DPP10: variants seen among roughly 807,000 people sequenced by gnomAD.
DPP10 encodes the protein dipeptidyl peptidase like 10.
Under a neutral mutation model 120.9 loss-of-function variants are expected in DPP10, and 33 were observed. The observed-to-expected ratio is 0.27, with a 90% CI of 0.21 to 0.37. The LOEUF (loss-of-function observed/expected upper bound fraction) is 0.37. Among genes scored for constraint, DPP10 ranks in the 10% least tolerant of loss-of-function variants. The probability of loss-of-function intolerance (pLI) is 1.00; values close to 1 mark genes in which losing one functional copy is unlikely to be tolerated. For missense variants in DPP10, 816 were observed against 942.8 expected (o/e 0.87, Z 1.76); for synonymous variants, 337 against 326.1 (o/e 1.03, Z -0.36).
In DPP10 at chr2:114,899,506, G is replaced by T. The variant is rs146877565; in HGVS notation, c.61-409733G>T. On this transcript the variant is annotated intron_variant, in intron 1 of 25. Transcript: ENST00000410059. ...TGAAACCACTCTTTTAACTTTTGTC[G>T]TAATGAATTTCTTGCTTTCATTATA... is the stretch of plus-strand genomic sequence containing the variant. Among the ~76,000 whole-genome samples, 578 of 152,002 alleles carry T rather than the reference G, an allele frequency of 3.8e-3. 1 individual carries two copies. Among genetic ancestry groups the T allele is most frequent in the African/African-American group, 0.014 (565 of 41,450 alleles).
chr2:114,757,835 G>A (rs192703539), intron 1 of DPP10, among the ~76,000 whole-genome samples: 2 of 152,198 alleles, frequency 1.3e-5, no homozygotes, highest in East Asian at 1.9e-4. Context: ...CTTGAGAACC[G>A]CTGGTGTAGA....
At chr2:115,528,801 T>C (rs2078286252) in intron 5 of DPP10, among the ~76,000 whole-genome samples, 1 of 152,112 alleles carries the variant, frequency 6.6e-6, no homozygotes. Flanking sequence ...TATAACATTC[T>C]CAAAATGGCA....
intron 1 of DPP10, among the ~76,000 whole-genome samples, chr2:115,185,559 A>G (rs973924517): frequency 2.6e-5 from 4 of 152,192 alleles, no homozygotes; most frequent in Admixed American, 6.5e-5. Flanking sequence ...CCTAAAATTT[A>G]TTATTGTTAA....
At chr2:114,640,364 C>A (rs2105424202) in intron 1 of DPP10, among the ~76,000 whole-genome samples, 1 of 152,040 alleles carries the variant, frequency 6.6e-6, no homozygotes, top group Admixed American at 6.5e-5. Flanking sequence ...ATTCTAACAG[C>A]TTATCTTCCT....
intron 1 of DPP10, among the ~76,000 whole-genome samples, chr2:115,197,985 G>A (rs2055410889): frequency 2.0e-5 from 3 of 152,124 alleles, no homozygotes; most frequent in South Asian, 2.1e-4. Flanking sequence ...ATTTGTAATA[G>A]CAGTGCTTTT....
chr2:115,446,171 G>A (rs1246062907), intron 3 of DPP10, among the ~76,000 whole-genome samples: 1 of 152,222 alleles, frequency 6.6e-6, no homozygotes, highest in Non-Finnish European at 1.5e-5. Flanking sequence ...AGTTGAGGCT[G>A]CCAGTGTGCA....
intron 5 of DPP10, among the ~76,000 whole-genome samples, chr2:115,642,380 A>G (rs2086857551): frequency 6.6e-6 from 1 of 152,154 alleles, no homozygotes; most frequent in Non-Finnish European, 1.5e-5. Flanking sequence ...GGGCTCATCC[A>G]TTAGTTTAAG....
chr2:115,295,454 A>G (rs2060842916), intron 1 of DPP10, among the ~76,000 whole-genome samples: 1 of 152,106 alleles, frequency 6.6e-6, no homozygotes, highest in African/African-American at 2.4e-5. Context: ...CCTGAATTGC[A>G]TAGTATATAT....
chr2:115,260,543 A>T (rs2059207017), intron 1 of DPP10, among the ~76,000 whole-genome samples: 1 of 152,224 alleles, frequency 6.6e-6, no homozygotes, highest in African/African-American at 2.4e-5. Flanking sequence ...TAGATTTACA[A>T]GTTTTTAAAA....
At chr2:114,921,451 C>T (rs1695189989) in intron 1 of DPP10, among the ~76,000 whole-genome samples, 1 of 152,054 alleles carries the variant, frequency 6.6e-6, no homozygotes, top group African/African-American at 2.4e-5. Flanking sequence ...CAGGTGAAAT[C>T]GTTTTTCAAA....
At chr2:114,654,697 T>C (rs1696844743) in intron 1 of DPP10, among the ~76,000 whole-genome samples, 1 of 152,192 alleles carries the variant, frequency 6.6e-6, no homozygotes, top group South Asian at 2.1e-4. Context: ...TGGGCCTTTA[T>C]TGCTGCATTG....
At chr2:115,720,840 A>G (rs2092631250) in intron 7 of DPP10, among the ~76,000 whole-genome samples, 1 of 152,210 alleles carries the variant, frequency 6.6e-6, no homozygotes, top group Non-Finnish European at 1.5e-5. Context: ...TTTACCTCAT[A>G]AAACAAAAGG....
At chr2:115,551,367 C>T (rs1240656168) in intron 5 of DPP10, among the ~76,000 whole-genome samples, 1 of 152,054 alleles carries the variant, frequency 6.6e-6, no homozygotes, top group Non-Finnish European at 1.5e-5. Context: ...AAGAACTTCC[C>T]AAGACTGGGC....
chr2:115,266,844 C>A (rs1361653404), intron 1 of DPP10, among the ~76,000 whole-genome samples: 1 of 152,070 alleles, frequency 6.6e-6, no homozygotes, highest in East Asian at 1.9e-4. Context: ...TTTTCCTATC[C>A]TTATACGGTA....
At chr2:115,355,927 G>T (rs1011936083) in intron 3 of DPP10, among the ~76,000 whole-genome samples, 39 of 152,102 alleles carry the variant, frequency 2.6e-4, no homozygotes, top group Admixed American at 2.4e-3. Flanking sequence ...GTCTGTTTTT[G>T]TAGCAGTACC....
At chr2:115,064,923 A>G (rs933825310) in intron 1 of DPP10, 32 of 1,097,430 alleles carry the variant, frequency 2.9e-5, no homozygotes, top group Admixed American at 5.5e-5. Flanking sequence ...TTTTTGTTTT[A>G]AGCATTATTC....
chr2:115,201,233 C>T (rs1348819221), intron 1 of DPP10, among the ~76,000 whole-genome samples: 3 of 152,216 alleles, frequency 2.0e-5, no homozygotes, highest in South Asian at 2.1e-4. Flanking sequence ...GAGGCTGAAG[C>T]GGGCTGATCA....
intron 1 of DPP10, among the ~76,000 whole-genome samples, chr2:115,266,422 G>A: frequency 6.6e-6 from 1 of 152,172 alleles, no homozygotes; most frequent in East Asian, 1.9e-4. Flanking sequence ...TCTACCATGT[G>A]TTTTCTGGGG....
chr2:115,773,985 A>C (rs1332353260), intron 13 of DPP10, among the ~76,000 whole-genome samples: 2 of 152,090 alleles, frequency 1.3e-5, no homozygotes, highest in African/African-American at 4.8e-5. Flanking sequence ...CAAGGCAATT[A>C]CAGCTGTTTC....
Sources: allele counts gnomAD v4.1 joint callset (sites outside exome capture counted in the v4.1 genomes callset), GRCh38; gene constraint gnomAD v4.1.1; transcripts MANE v1.5; gene names NCBI Gene and HGNC (gene_info 2026-07-23, HGNC 2026-07-21).